Variants in SMARCD1 observed in about 807,000 individuals in gnomAD.
SMARCD1 encodes SWI/SNF-related matrix-associated actin-dependent regulator of chromatin subfamily D member 1.
A neutral mutation model predicts 70.8 loss-of-function variants in SMARCD1; 16 were observed. The ratio of observed to expected loss-of-function variants is 0.23; its 90% CI spans 0.15 to 0.34. The LOEUF (loss-of-function observed/expected upper bound fraction) is 0.34, where lower values mean the gene tolerates loss of function less well. Among genes scored for constraint, SMARCD1 ranks in the 10% least tolerant of loss-of-function variants. The pLI, the probability that SMARCD1 is intolerant of heterozygous loss-of-function variation, is 1.00. For missense variants in SMARCD1, 409 were observed against 655.5 expected (o/e 0.62, Z 4.11); for synonymous variants, 249 against 246.0 (o/e 1.01, Z -0.11).
rs927425733 is a variant in SMARCD1 at position 50,100,434 on chromosome 12, C to G, written c.*1434C>G. On this transcript the variant is annotated 3_prime_UTR_variant, in exon 13 of 13. Coordinates refer to ENST00000394963, the MANE Select transcript of SMARCD1 (RefSeq NM_003076.5). ...TCTTCCCCTTCCTGCCATTTTCCCT[C>G]CCTTGAAAGGTTGACACTGGACAAC... 2 of 152,492 alleles carry G rather than the reference C, an allele frequency of 1.3e-5. No individual in the cohort carries two copies. The highest frequency in any genetic ancestry group is 4.8e-5 in the African/African-American group (2 of 41,342). 9.4% of individuals were successfully genotyped at this position (152,492 alleles called of 1,614,324 possible).
At position 50,090,398 on chromosome 12, in the gene SMARCD1, A is replaced by G. The variant is rs1235074031; in HGVS notation, c.1031A>G (p.Gln344Arg). 7 of 1,613,856 alleles carry G rather than the reference A, an allele frequency of 4.3e-6. No homozygotes were observed. Among genetic ancestry groups the G allele is most frequent in the Non-Finnish European group, 5.9e-6 (7 of 1,179,880 alleles). Residue 344 changes from glutamine (Q) to arginine (R), a missense_variant, in exon 8 of 13, where the codon CAG becomes CGG. Physicochemically the swap from Gln to Arg is conservative, Grantham distance 43 (BLOSUM62 1). Around this residue, in one of 2 missense-constraint regions of SMARCD1, gnomAD observed 269 missense variants for 498.6 expected, o/e 0.54. Coordinates refer to ENST00000394963, the MANE Select transcript of SMARCD1 (RefSeq NM_003076.5). ...TTTGTCATCTGTGACAAGTACCTGC[A>G]GCAGGTAAGTAATGGACCCATTCTT... ...REFVICDKYLQQIFESQRMKF... is the reference protein window; with the variant it reads ...REFVICDKYLRQIFESQRMKF...
chr12:50,093,925 G>A (rs910934951), intron 9 of SMARCD1, among the ~76,000 whole-genome samples: 4 of 151,986 alleles, frequency 2.6e-5, no homozygotes, highest in Non-Finnish European at 5.9e-5. Context: ...GATTACAGGC[G>A]TGAGCTACCA....
chr12:50,087,303 G>A (rs186865650), intron 4 of SMARCD1, 60 bp from the exon 5 acceptor site: 75 of 1,588,840 alleles, frequency 4.7e-5, no homozygotes, highest in Admixed American at 1.2e-4. Flanking sequence ...TGGGGAGACC[G>A]TTGTCTTCAA....
chr12:50,088,277 G>A, intron 5 of SMARCD1: 1 of 702,544 alleles, frequency 1.4e-6, no homozygotes. Context: ...ATTTCCCTTG[G>A]GCAAATGAGA....
intron 9 of SMARCD1, among the ~76,000 whole-genome samples, chr12:50,092,241 T>C (rs1950851643): frequency 7.2e-6 from 1 of 138,824 alleles, no homozygotes; most frequent in South Asian, 2.3e-4. Flanking sequence ...CTTTCTTTTT[T>C]TTTTTTTTTT....
Position 50,085,472 on chromosome 12 carries a change from G to C in SMARCD1, c.103G>C (p.Gly35Arg). Reference sequence around the variant, plus strand: ...TGCCTTGGGCCCGGGCGGAACTCCGGGGCCTCCTGTGCGAATGGGCCCGGC... The same window carrying C: ...TGCCTTGGGCCCGGGCGGAACTCCGCGGCCTCCTGTGCGAATGGGCCCGGC... ...AAALGPGGTP[G>R]PPVRMGPAPG... is the part of the protein sequence containing the mutation. Residue 35 changes from glycine (G) to arginine (R), a missense_variant, in exon 1 of 13, where the codon GGG (glycine) becomes CGG (arginine). Transcript: ENST00000394963. 1 of 1,239,604 alleles carries C rather than the reference G, an allele frequency of 8.1e-7. No homozygotes were observed. Among genetic ancestry groups the C allele is most frequent in the Non-Finnish European group, 1.0e-6 (1 of 992,112 alleles). 76.8% of individuals were successfully genotyped at this position (1,239,604 alleles called of 1,614,324 possible). A position where few individuals can be genotyped will look rare whatever the true frequency, so the allele number is the denominator to read the frequency against.
rs766572690 is a variant in SMARCD1 at position 50,087,407 on chromosome 12, G to A, written c.576G>A (p.Pro192=). The part of the protein sequence containing the change: ...LRIFISNTFN[P]AKSDAEDGEG... ...TTTTCATTTCTAACACTTTCAATCCGGCTAAGTCAGATGCCGAGGATGGGG... is the reference window on the plus strand; with the variant it reads ...TTTTCATTTCTAACACTTTCAATCCAGCTAAGTCAGATGCCGAGGATGGGG... Residue 192 remains proline, a synonymous_variant, in exon 5 of 13, where the codon CCG becomes CCA. Transcript: ENST00000394963. The A allele has an allele frequency of 2.5e-6, 4 of 1,614,064 alleles. No homozygotes were observed. The highest frequency in any genetic ancestry group is 3.4e-6 in the Non-Finnish European group (4 of 1,179,984).
intron 9 of SMARCD1, among the ~76,000 whole-genome samples, 192 bp downstream of exon 9, chr12:50,090,782 T>C (rs1231749811): frequency 1.3e-5 from 2 of 151,766 alleles, no homozygotes; most frequent in African/African-American, 4.8e-5. Flanking sequence ...ATATTCAAAA[T>C]GTATAACTTC....
chr12:50,088,224 C>G (rs1272550942), intron 5 of SMARCD1: 2 of 700,872 alleles, frequency 2.9e-6, no homozygotes, highest in South Asian at 3.0e-5. Flanking sequence ...TTTCTCTGTT[C>G]AAACTCGCTT....
chr12:50,090,823 T>TTC (rs1950835822), intron 9 of SMARCD1, among the ~76,000 whole-genome samples: 1 of 126,988 alleles, frequency 7.9e-6, no homozygotes, highest in Non-Finnish European at 1.7e-5. Flanking sequence ...TATTTGTGCT[T>TTC]TTTTTTTTTT....
At chr12:50,093,555 C>T (rs1413796521) in intron 9 of SMARCD1, among the ~76,000 whole-genome samples, 1 of 152,110 alleles carries the variant, frequency 6.6e-6, no homozygotes, top group Non-Finnish European at 1.5e-5. Context: ...GTAATCATGG[C>T]TCACTGCATC....
At position 50,085,431 on chromosome 12, in the gene SMARCD1, G is replaced by T. The variant is rs1950777038; in HGVS notation, c.62G>T (p.Gly21Val). ...AGCGGCGGCGCCGGAGCCTCAGGAGGGGCGGGCGCGGCTGCTGCCTTGGGC... is the reference window on the plus strand; with the variant it reads ...AGCGGCGGCGCCGGAGCCTCAGGAGTGGCGGGCGCGGCTGCTGCCTTGGGC... The part of the protein sequence containing the change: ...APSGGAGASG[G>V]AGAAAALGPG... The change falls in exon 1 of 13, where the codon GGG becomes GTG. Residue 21 changes from glycine to valine, a missense_variant. Gly to Val is a moderately radical substitution (Grantham distance 109). This residue lies in a region of SMARCD1 where 140 missense variants were observed against 156.9 expected (regional missense o/e 0.89). Coordinates refer to ENST00000394963, the MANE Select transcript of SMARCD1 (RefSeq NM_003076.5). 2.4e-6 allele frequency: 3 copies of T among 1,242,326 alleles called. No homozygotes were observed. In the Admixed American group the frequency reaches 1.2e-4, roughly 50 times the overall value. The allele number at this position is 1,242,326 out of a possible 1,614,324, so 77.0% of individuals were successfully genotyped here.
intron 9 of SMARCD1, 31 bp downstream of exon 9, chr12:50,090,621 C>T (rs2137884798): frequency 6.5e-7 from 1 of 1,529,642 alleles, no homozygotes; most frequent in African/African-American, 1.4e-5. Flanking sequence ...CAGTGCTGTG[C>T]CGGAGCTGCC....
chr12:50,088,410 A>G, intron 5 of SMARCD1, 111 bp from the exon 6 acceptor site: 1 of 702,678 alleles, frequency 1.4e-6, no homozygotes, highest in Non-Finnish European at 2.6e-6. Context: ...TATTCAGAAG[A>G]TATTTTTTGA....
At chr12:50,091,455 A>G (rs1484006142) in intron 9 of SMARCD1, among the ~76,000 whole-genome samples, 1 of 150,018 alleles carries the variant, frequency 6.7e-6, no homozygotes, top group Non-Finnish European at 1.5e-5. Context: ...TTGTATTTTT[A>G]GTAGAGACAA....
chr12:50,087,780 T>G (rs1283451537), intron 5 of SMARCD1, among the ~76,000 whole-genome samples: 1 of 152,114 alleles, frequency 6.6e-6, no homozygotes, highest in African/African-American at 2.4e-5. Context: ...TTATTTAGTT[T>G]TTTTTTTTTA....
Position 50,085,596 on chromosome 12 carries a change from G to T in SMARCD1, c.177+50G>T, listed in dbSNP as rs1291249607. On this transcript the variant is annotated intron_variant, in intron 1 of 12. Coordinates refer to ENST00000394963, the MANE Select transcript of SMARCD1 (RefSeq NM_003076.5). ...CGCGGGCCGGGGGCGGGGCCGAGCG[G>T]GGACATGGGAGTGACAGGGGTGGGG... is the stretch of plus-strand genomic sequence containing the variant. 2.5e-6 allele frequency: 3 copies of T among 1,214,152 alleles called. No homozygotes were observed. The East Asian group carries it at 9.5e-5, about 38-fold the overall frequency. 75.2% of individuals were successfully genotyped at this position (1,214,152 alleles called of 1,614,324 possible).
Position 50,099,578 on chromosome 12 carries a change from C to T in SMARCD1, c.*578C>T. ...CACTGAGCCCCAGGTCAGTCCCCAG[C>T]CCTCTGGGTTGGCCTGCTGTCAGTG... On this transcript the variant is annotated 3_prime_UTR_variant, in exon 13 of 13. Coordinates refer to ENST00000394963, the MANE Select transcript of SMARCD1 (RefSeq NM_003076.5). The T allele has an allele frequency of 2.7e-6, 1 of 369,132 alleles. No homozygotes were observed. The allele number at this position is 369,132 out of a possible 1,614,324, so 22.9% of individuals were successfully genotyped here.
In SMARCD1 at chr12:50,090,522, A is replaced by G. The variant is rs756583142; in HGVS notation, c.1065A>G (p.Ser355=). 2 of 1,614,022 alleles carry G rather than the reference A, an allele frequency of 1.2e-6. No homozygotes were observed. The highest frequency in any genetic ancestry group is 1.1e-5 in the South Asian group (1 of 91,082). Residue 355 remains serine (S), a synonymous_variant, in exon 9 of 13, where the codon TCA becomes TCG. Coordinates refer to ENST00000394963, the MANE Select transcript of SMARCD1 (RefSeq NM_003076.5). ...TTGAGTCTCAACGTATGAAGTTTTC[A>G]GAGATCCCTCAGCGGCTCCATGCCT... ...QIFESQRMKF[S]EIPQRLHALL... is the part of the protein sequence containing the mutation.
Sources: allele counts gnomAD v4.1 joint callset (sites outside exome capture counted in the v4.1 genomes callset), GRCh38; gene constraint gnomAD v4.1.1; regional missense constraint gnomAD v4.1.1; transcripts MANE v1.5; gene names NCBI Gene and HGNC (gene_info 2026-07-23, HGNC 2026-07-21).